Variants in KDM7A observed in about 807,000 individuals in gnomAD.
KDM7A encodes lysine-specific demethylase 7A.
KDM7A carries 28 observed loss-of-function variants against 114.8 expected under a neutral mutation model. That is an observed-to-expected ratio of 0.24 (90% confidence interval 0.18 to 0.33). The LOEUF (loss-of-function observed/expected upper bound fraction) is 0.33, where lower values mean the gene tolerates loss of function less well. Ranked by LOEUF, KDM7A falls within the 10% of genes least tolerant of loss-of-function variation. The pLI is 1.00. For missense variants in KDM7A, 942 were observed against 1,142.5 expected, an observed-to-expected ratio of 0.82 and a Z score of 2.53; for synonymous variants, 423 against 397.8, an observed-to-expected ratio of 1.06 and a Z score of -0.75.
At chr7:140,166,911 AAGT>A (rs1684079769) in intron 1 of KDM7A, among the ~76,000 whole-genome samples, 1 of 152,340 alleles carries the variant, frequency 6.6e-6, no homozygotes, top group Admixed American at 6.5e-5. Flanking sequence ...TTTTTCAGCA[AAGT>A]AGTAGAATAT....
Position 140,090,075 on chromosome 7 carries a change from G to C in KDM7A, c.*1019C>G, listed in dbSNP as rs917978511. 6.6e-6 allele frequency: 1 copy of C among 152,158 alleles called. No individual in the cohort carries two copies. The highest frequency in any genetic ancestry group is 2.4e-5 in the African/African-American group (1 of 41,446). 9.4% of individuals were successfully genotyped at this position (152,158 alleles called of 1,614,324 possible). On this transcript the variant is annotated 3_prime_UTR_variant, in exon 20 of 20. Coordinates refer to ENST00000397560, the MANE Select transcript of KDM7A (RefSeq NM_030647.2). ...TCCTGTTGTCCAACAGCAGCAGTAC[G>C]AAGAAGGCCTGCTGTAGTTACAAAT...
intron 1 of KDM7A, among the ~76,000 whole-genome samples, chr7:140,166,810 T>C (rs1453123022): frequency 6.6e-6 from 1 of 152,154 alleles, no homozygotes; most frequent in Non-Finnish European, 1.5e-5. Flanking sequence ...TGAAATCAAA[T>C]AGAGGCATAA....
At position 140,096,962 on chromosome 7, in the gene KDM7A, T is replaced by C; in HGVS notation, c.2102A>G (p.Asn701Ser). Residue 701 changes from asparagine to serine, a missense_variant, in exon 16 of 20, where the codon AAT becomes AGT. This residue lies in a region of KDM7A where 512 missense variants were observed against 576.6 expected (regional missense o/e 0.89). Transcript: ENST00000397560. The stretch of plus-strand genomic sequence containing the variant: ...CTTTTGAAGGAAGTTCCTCATCACA[T>C]TAGATTCCTCCTTAAAGTTGGATGT... ...EITSNFKEES[N>S]VMRNFLQKSQ... 1 of 1,613,452 alleles carries C rather than the reference T, an allele frequency of 6.2e-7. No individual in the cohort carries two copies. Among genetic ancestry groups the C allele is most frequent in the Non-Finnish European group, 8.5e-7 (1 of 1,179,448 alleles).
chr7:140,127,489 G>A lies in KDM7A; in HGVS notation c.654C>T (p.Asn218=). ...HNYVKYFMNP[N]RPKVLNVISL... ...TGATCACATTTAACACTTTTGGTCT[G>A]TTAGGATTCATGAAGTATTTAACAT... is the stretch of plus-strand genomic sequence containing the variant. Residue 218 remains asparagine (N), a synonymous_variant, in exon 5 of 20, where the codon AAC becomes AAT. Transcript: ENST00000397560. 6.2e-7 allele frequency: 1 copy of A among 1,613,686 alleles called. No homozygotes were observed. The highest frequency in any genetic ancestry group is 8.5e-7 in the Non-Finnish European group (1 of 1,179,646).
At chr7:140,154,871 TAA>T (rs1040769907) in intron 1 of KDM7A, among the ~76,000 whole-genome samples, 43 of 152,320 alleles carry the variant, frequency 2.8e-4, no homozygotes, top group African/African-American at 9.6e-4. Flanking sequence ...TTTATAATTA[TAA>T]GTGTTACAAC....
intron 1 of KDM7A, among the ~76,000 whole-genome samples, chr7:140,164,331 T>G (rs926984471): frequency 6.6e-6 from 1 of 152,226 alleles, no homozygotes; most frequent in Non-Finnish European, 1.5e-5. Context: ...AACAACACTA[T>G]GGAGATTTTA....
At chr7:140,094,429 C>T (rs1818071584) in intron 17 of KDM7A, among the ~76,000 whole-genome samples, 1 of 151,952 alleles carries the variant, frequency 6.6e-6, no homozygotes, top group African/African-American at 2.4e-5. Context: ...CACTTGAACC[C>T]GAGAGGTGGA....
At position 140,100,660 on chromosome 7, in the gene KDM7A, T is replaced by TTATATATATATATATATACATATA. The variant is rs1818185318; in HGVS notation, c.1639-638_1639-637insTATATGTATATATATATATATATA. On this transcript the variant is annotated intron_variant, in intron 12 of 19. Transcript: ENST00000397560. Reference sequence around the variant, plus strand: ...ATACAATTTAAAATATTTTAAAAAGTTATATATATATATATATATACATAT... The same window carrying TTATATATATATATATATACATATA: ...ATACAATTTAAAATATTTTAAAAAGTTATATATATATATATATACATATATATATATATATATATATATACATAT... Among the ~76,000 whole-genome samples, 9 of 111,282 alleles carry TTATATATATATATATATACATATA rather than the reference T, an allele frequency of 8.1e-5. No homozygotes were observed. In the South Asian group the frequency reaches 9.5e-4, roughly 12 times the overall value. 73.0% of individuals were successfully genotyped at this position (111,282 alleles called of 152,430 possible). A position where few individuals can be genotyped will look rare whatever the true frequency, so the allele number is the denominator to read the frequency against.
intron 11 of KDM7A, among the ~76,000 whole-genome samples, chr7:140,109,162 G>A (rs149552707): frequency 0.021 from 3,177 of 152,262 alleles, 94 homozygotes; most frequent in African/African-American, 0.071. Flanking sequence ...TCCAGGTACC[G>A]TCTGTCACGG....
intron 3 of KDM7A, among the ~76,000 whole-genome samples, chr7:140,132,660 A>C (rs1818806964): frequency 6.6e-6 from 1 of 152,248 alleles, no homozygotes; most frequent in African/African-American, 2.4e-5. Context: ...AATCACGTGG[A>C]AACACTACAT....
chr7:140,113,467 G>C (rs1433628238), intron 10 of KDM7A, 24 bp downstream of exon 10: 2 of 1,343,642 alleles, frequency 1.5e-6, no homozygotes, highest in Non-Finnish European at 2.1e-6. Flanking sequence ...AAAACACAGT[G>C]ATTTCACTGT....
intron 1 of KDM7A, among the ~76,000 whole-genome samples, chr7:140,163,509 T>C (rs1794542469): frequency 6.6e-6 from 1 of 151,536 alleles, no homozygotes; most frequent in African/African-American, 2.4e-5. Context: ...CTCAAACTCC[T>C]GTCCTCAGGT....
Position 140,089,904 on chromosome 7 carries a change from C to T in KDM7A, c.*1190G>A, listed in dbSNP as rs1007986444. On this transcript the variant is annotated 3_prime_UTR_variant, in exon 20 of 20. Coordinates refer to ENST00000397560, the MANE Select transcript of KDM7A (RefSeq NM_030647.2). ...CACACAAAAGATCTATTCCAACATG[C>T]TTGCTTCTATACAACTTAATGTAGT... 6.6e-6 allele frequency: 1 copy of T among 152,156 alleles called. No individual in the cohort carries two copies. Among genetic ancestry groups the T allele is most frequent in the Non-Finnish European group, 1.5e-5 (1 of 68,022 alleles). 9.4% of individuals were successfully genotyped at this position (152,156 alleles called of 1,614,324 possible).
chr7:140,148,696 A>AG (rs1794368404), intron 1 of KDM7A, among the ~76,000 whole-genome samples: 1 of 152,236 alleles, frequency 6.6e-6, no homozygotes, highest in African/African-American at 2.4e-5. Flanking sequence ...ACCAGATATC[A>AG]GCTAAGGTAA....
intron 11 of KDM7A, among the ~76,000 whole-genome samples, chr7:140,105,994 A>G (rs1441338794): frequency 1.3e-5 from 2 of 152,170 alleles, no homozygotes; most frequent in African/African-American, 4.8e-5. Context: ...TCAGGGATTC[A>G]ACTTCTTCCT....
Position 140,091,882 on chromosome 7 carries a change from T to C in KDM7A, c.2653A>G (p.Thr885Ala). Residue 885 changes from threonine to alanine, a missense_variant, in exon 19 of 20, where the codon ACT becomes GCT. By Grantham distance (58) the Thr-to-Ala change is moderately conservative. This residue lies in a region of KDM7A where 512 missense variants were observed against 576.6 expected (regional missense o/e 0.89). Transcript: ENST00000397560. ...SLSPERPVGE[T>A]SFSVPLHPTK... ...GGGTGAAGGGGCACCGAGAAGGAAG[T>C]TTCACCAACTGGCCTTTCTGGGCTT... 1.2e-6 allele frequency: 2 copies of C among 1,613,772 alleles called. No homozygotes were observed. The highest frequency in any genetic ancestry group is 1.7e-6 in the Non-Finnish European group (2 of 1,179,960).
rs1226958982 is a variant in KDM7A at position 140,089,289 on chromosome 7, ACT to A, written c.*1803_*1804del. 1 of 152,168 alleles carries A rather than the reference ACT, an allele frequency of 6.6e-6. No individual in the cohort carries two copies. The highest frequency in any genetic ancestry group is 2.4e-5 in the African/African-American group (1 of 41,432). 9.4% of individuals were successfully genotyped at this position (152,168 alleles called of 1,614,324 possible). ...ATAAGATTCAGACTTTGGTCCAGTC[ACT>A]CTGAACCAGAAAGGCTACTTCATAA... On this transcript the variant is annotated 3_prime_UTR_variant, in exon 20 of 20. Coordinates refer to ENST00000397560, the MANE Select transcript of KDM7A (RefSeq NM_030647.2).
At position 140,102,031 on chromosome 7, in the gene KDM7A, G is replaced by T. The variant is rs1323943129; in HGVS notation, c.1558C>A (p.Arg520=). The T allele has an allele frequency of 6.2e-7, 1 of 1,613,950 alleles. No individual in the cohort carries two copies. Among genetic ancestry groups the T allele is most frequent in the South Asian group, 1.1e-5 (1 of 91,074 alleles). Residue 520 remains arginine (R), a synonymous_variant, in exon 12 of 20, where the codon CGA becomes AGA. Coordinates refer to ENST00000397560, the MANE Select transcript of KDM7A (RefSeq NM_030647.2). ...KMRKLRDHNV[R]TPSNLDILEL... is the part of the protein sequence containing the mutation. ...AGGATGTCTAGGTTAGAAGGAGTTCGGACATTATGATCTCGAAGTTTCCTC... is the reference window on the plus strand; with the variant it reads ...AGGATGTCTAGGTTAGAAGGAGTTCTGACATTATGATCTCGAAGTTTCCTC...
At chr7:140,167,147 G>A (rs138630685) in intron 1 of KDM7A, among the ~76,000 whole-genome samples, 135 of 152,156 alleles carry the variant, frequency 8.9e-4, no homozygotes, top group Middle Eastern at 6.8e-3. Context: ...TTCTCAGAGA[G>A]AAGGACTCAA....
Sources: allele counts gnomAD v4.1 joint callset (sites outside exome capture counted in the v4.1 genomes callset), GRCh38; gene constraint gnomAD v4.1.1; regional missense constraint gnomAD v4.1.1; transcripts MANE v1.5; gene names NCBI Gene and HGNC (gene_info 2026-07-23, HGNC 2026-07-21).